Variants in LARP4B observed in about 807,000 individuals in gnomAD.
LARP4B encodes the protein La ribonucleoprotein 4B, also known as la-related protein 4B.
Under a neutral mutation model 89.8 loss-of-function variants are expected in LARP4B, and 12 were observed. The observed-to-expected ratio is 0.13, with a 90% confidence interval of 0.09 to 0.22. The LOEUF is 0.22. LARP4B is among the 10% of genes least tolerant of loss of function. The pLI, the probability that LARP4B is intolerant of heterozygous loss-of-function variation, is 1.00. For missense variants in LARP4B, 757 were observed against 947.7 expected, an observed-to-expected ratio of 0.80 and a Z score of 2.64; for synonymous variants, 367 against 363.3, an observed-to-expected ratio of 1.01 and a Z score of -0.12.
intron 1 of LARP4B, among the ~76,000 whole-genome samples, chr10:904,371 C>G (rs1303588725): frequency 6.6e-6 from 1 of 151,400 alleles, no homozygotes. Context: ...CTGGGCAACA[C>G]AGTGAAACCC....
intron 1 of LARP4B, among the ~76,000 whole-genome samples, chr10:901,752 T>A (rs539133961): frequency 6.6e-6 from 1 of 152,346 alleles, no homozygotes; most frequent in South Asian, 2.1e-4. Flanking sequence ...ATGTTGCCAA[T>A]AAATTTCAAG....
At chr10:985,989 T>C in the LARP4B span, 3 of 152,252 alleles carry the variant, frequency 2.0e-5, no homozygotes, top group Non-Finnish European at 2.9e-5. Context: ...AATGAGTTCC[T>C]GTGGGGATCC....
chr10:898,184 A>G (rs1351547734), intron 1 of LARP4B, among the ~76,000 whole-genome samples: 5 of 152,140 alleles, frequency 3.3e-5, no homozygotes, highest in Non-Finnish European at 5.9e-5. Context: ...AATTAAAACA[A>G]AAATACTACT....
intron 1 of LARP4B, among the ~76,000 whole-genome samples, chr10:926,358 T>A (rs985963819): frequency 6.6e-5 from 10 of 151,884 alleles, no homozygotes; most frequent in Admixed American, 4.6e-4. Flanking sequence ...ATTTTAAAAA[T>A]TTTTTTAAAG....
At chr10:867,576 G>T (rs186480679) in intron 3 of LARP4B, among the ~76,000 whole-genome samples, 1 of 152,014 alleles carries the variant, frequency 6.6e-6, no homozygotes, top group South Asian at 2.1e-4. Flanking sequence ...GAACTCCAGC[G>T]TCGGCCGGGT....
intron 8 of LARP4B, among the ~76,000 whole-genome samples, chr10:836,037 C>T (rs1187130792): frequency 6.6e-6 from 1 of 151,950 alleles, no homozygotes; most frequent in Non-Finnish European, 1.5e-5. Flanking sequence ...TCACGATGCC[C>T]CTTTGTCATA....
intron 2 of LARP4B, 103 bp downstream of exon 2, chr10:885,538 G>C (rs117813313): frequency 1.4e-6 from 1 of 728,660 alleles, no homozygotes; most frequent in Non-Finnish European, 2.3e-6. Flanking sequence ...CAGATCCTAA[G>C]ATGTGCCAGT....
intron 13 of LARP4B, among the ~76,000 whole-genome samples, chr10:821,177 T>C (rs1338061716): frequency 6.6e-6 from 1 of 152,182 alleles, no homozygotes; most frequent in African/African-American, 2.4e-5. Context: ...ACAAGACACA[T>C]AAAATCTGAG....
intron 5 of LARP4B, among the ~76,000 whole-genome samples, chr10:852,769 A>G (rs982691060): frequency 2.0e-5 from 3 of 152,266 alleles, no homozygotes; most frequent in African/African-American, 7.2e-5. Context: ...ATAAGTGAGC[A>G]TAACAAAATT....
the LARP4B span, among the ~76,000 whole-genome samples, chr10:973,345 C>T: frequency 1.3e-5 from 2 of 151,254 alleles, no homozygotes; most frequent in East Asian, 1.9e-4. Flanking sequence ...GAACGTGATC[C>T]GCTTTTGGTG....
Position 864,088 on chromosome 10 carries a change from C to T in LARP4B, c.289+35G>A, listed in dbSNP as rs374973614. 5 of 1,612,154 alleles carry T rather than the reference C, an allele frequency of 3.1e-6. No individual in the cohort carries two copies. In the Admixed American group the frequency reaches 6.7e-5, roughly 22 times the overall value. On this transcript the variant is annotated intron_variant, in intron 4 of 17. Transcript: ENST00000316157. ...GGCAACAAAAGCACAGGCCTGAAAG[C>T]AGGGGGCTGCACACCACGGCCATGC...
the LARP4B span, among the ~76,000 whole-genome samples, chr10:962,169 G>T: frequency 6.6e-6 from 1 of 152,056 alleles, no homozygotes; most frequent in African/African-American, 2.4e-5. Flanking sequence ...GGTAGCTCAT[G>T]CCTGTAATTC....
chr10:840,187 T>C (rs1018341006), intron 7 of LARP4B, among the ~76,000 whole-genome samples: 5 of 152,158 alleles, frequency 3.3e-5, no homozygotes, highest in African/African-American at 4.8e-5. Flanking sequence ...CATGGGTGTA[T>C]AAATATGTTA....
At chr10:913,584 G>T (rs557151004) in intron 1 of LARP4B, among the ~76,000 whole-genome samples, 1 of 152,288 alleles carries the variant, frequency 6.6e-6, no homozygotes, top group South Asian at 2.1e-4. Flanking sequence ...GATTAACAAA[G>T]AAATAAATTG....
the LARP4B span, among the ~76,000 whole-genome samples, chr10:959,363 A>T: frequency 2.0e-5 from 3 of 146,440 alleles, no homozygotes; most frequent in African/African-American, 5.2e-5. Context: ...CTCCCCGTCA[A>T]TCCCACCTCC....
the LARP4B span, among the ~76,000 whole-genome samples, chr10:963,234 G>A: frequency 6.6e-6 from 1 of 152,218 alleles, no homozygotes; most frequent in Non-Finnish European, 1.5e-5. Flanking sequence ...TAGGAAGACA[G>A]AAGCATGTCA....
chr10:906,605 CCA>C (rs1836500211), intron 1 of LARP4B, among the ~76,000 whole-genome samples: 1 of 152,184 alleles, frequency 6.6e-6, no homozygotes, highest in Non-Finnish European at 1.5e-5. Context: ...TCCTGTGCTC[CCA>C]GTTTCTCATG....
intron 1 of LARP4B, among the ~76,000 whole-genome samples, chr10:913,198 T>G (rs887038165): frequency 6.6e-6 from 1 of 151,970 alleles, no homozygotes; most frequent in East Asian, 1.9e-4. Context: ...TTTAGGGGAG[T>G]GGAACAGATA....
intron 5 of LARP4B, among the ~76,000 whole-genome samples, chr10:851,941 C>G (rs1327335430): frequency 6.6e-6 from 1 of 152,118 alleles, no homozygotes. Flanking sequence ...TGGTGTGCTA[C>G]TGTAGTCCCA....
Sources: gnomAD v4.1 joint callset for allele counts (sites outside exome capture counted in the v4.1 genomes callset) on GRCh38, gnomAD v4.1.1 for gene constraint, MANE v1.5 for transcripts, NCBI Gene and HGNC (gene_info 2026-07-23, HGNC 2026-07-21) for gene names.